Variants in SLC8A1 observed in about 807,000 individuals in gnomAD.
The protein encoded by SLC8A1 is solute carrier family 8 member A1, also known as sodium/calcium exchanger 1.
SLC8A1 carries 18 observed loss-of-function variants against 68.3 expected under a neutral mutation model. That is an observed-to-expected ratio of 0.26 (90% CI 0.18 to 0.39). The LOEUF (loss-of-function observed/expected upper bound fraction) is 0.39. Ranked by LOEUF, SLC8A1 falls within the 10% of genes least tolerant of loss-of-function variation. The probability of loss-of-function intolerance (pLI) is 1.00; values close to 1 mark genes in which losing one functional copy is unlikely to be tolerated. For missense variants in SLC8A1, 985 were observed against 1,156.7 expected, an observed-to-expected ratio of 0.85 and a Z score of 2.15; for synonymous variants, 475 against 415.5, an observed-to-expected ratio of 1.14 and a Z score of -1.74.
intron 2 of SLC8A1, among the ~76,000 whole-genome samples, chr2:40,188,254 ACTC>A (rs1393944955): frequency 6.6e-6 from 1 of 152,260 alleles, no homozygotes; most frequent in South Asian, 2.1e-4. Flanking sequence ...TCTTAACTGT[ACTC>A]CTTAAATGCA....
intron 1 of SLC8A1, among the ~76,000 whole-genome samples, chr2:40,497,997 A>G (rs953405221): frequency 6.6e-6 from 1 of 152,030 alleles, no homozygotes; most frequent in Admixed American, 6.6e-5. Context: ...TGGATATGAG[A>G]GACATTCAGG....
Position 40,215,599 on chromosome 2 carries a change from T to TGCAGTCC in SLC8A1, c.1809-37751_1809-37745dup, listed in dbSNP as rs1361734133. 6.1e-5 allele frequency among the ~76,000 whole-genome samples: 8 copies of TGCAGTCC among 131,226 alleles called. No homozygotes were observed. The Admixed American group carries it at 7.6e-4, about 12-fold the overall frequency. The allele number at this position is 131,226 out of a possible 152,430, so 86.1% of individuals were successfully genotyped here. ...TTGCAGTGAGCCGAGATTGTGCCAC[T>TGCAGTCC]GCAGTCCGCAGTCCGGCCTGGGCGA... On this transcript the variant is annotated intron_variant, in intron 2 of 7. Transcript: ENST00000406785.
At chr2:40,350,587 CAAAAAAAAAAAAAAAA>C (rs572258156) in intron 2 of SLC8A1, among the ~76,000 whole-genome samples, 25 of 76,222 alleles carry the variant, frequency 3.3e-4, no homozygotes, top group Admixed American at 1.9e-3. Context: ...CCCAGACAAG[CAAAAAAAAAAAAAAAA>C]AAAAAAAAAA....
At position 40,216,783 on chromosome 2, in the gene SLC8A1, T is replaced by G. The variant is rs186639421; in HGVS notation, c.1809-38928A>C. ...GTTGGGCTTCTTTTCATATTTTTGT[T>G]GGCTGCATGAATGTCTTCTTTAGGA... is the stretch of plus-strand genomic sequence containing the variant. On this transcript the variant is annotated intron_variant, in intron 2 of 7. Transcript: ENST00000406785. Among the ~76,000 whole-genome samples, 245 of 152,356 alleles carry G rather than the reference T, an allele frequency of 1.6e-3. 3 individuals carry two copies. The highest frequency in any genetic ancestry group is 7.9e-4 in the Non-Finnish European group (54 of 68,036).
chr2:40,389,895 C>G (rs1284930404), intron 2 of SLC8A1, among the ~76,000 whole-genome samples: 1 of 150,754 alleles, frequency 6.6e-6, no homozygotes, highest in Non-Finnish European at 1.5e-5. Flanking sequence ...CCCCAAATCA[C>G]CAAAGCTAAT....
chr2:40,307,663 T>C (rs2072913724), intron 2 of SLC8A1, among the ~76,000 whole-genome samples: 1 of 152,212 alleles, frequency 6.6e-6, no homozygotes, highest in South Asian at 2.1e-4. Context: ...ATGAGACTTC[T>C]TTACATAAGT....
chr2:40,138,885 T>A (rs1367399000), intron 7 of SLC8A1, among the ~76,000 whole-genome samples: 1 of 152,202 alleles, frequency 6.6e-6, no homozygotes, highest in African/African-American at 2.4e-5. Context: ...AGGATTACTT[T>A]TTTCCTGTCT....
intron 2 of SLC8A1, among the ~76,000 whole-genome samples, chr2:40,186,672 G>C (rs993507428): frequency 6.6e-6 from 1 of 152,148 alleles, no homozygotes; most frequent in African/African-American, 2.4e-5. Flanking sequence ...TCGAAATCTT[G>C]AGAGAATTAA....
chr2:40,423,701 T>C (rs931534173), intron 2 of SLC8A1, among the ~76,000 whole-genome samples: 1 of 151,980 alleles, frequency 6.6e-6, no homozygotes, highest in Non-Finnish European at 1.5e-5. Flanking sequence ...TAATAGCAAA[T>C]ATGGCAATCT....
At chr2:40,169,730 C>T (rs1277190148) in intron 4 of SLC8A1, among the ~76,000 whole-genome samples, 2 of 152,100 alleles carry the variant, frequency 1.3e-5, no homozygotes, top group East Asian at 3.9e-4. Context: ...TGCTTGAGCC[C>T]AGGAGTTCCA....
At chr2:40,263,185 G>A in intron 2 of SLC8A1, among the ~76,000 whole-genome samples, 1 of 152,184 alleles carries the variant, frequency 6.6e-6, no homozygotes, top group East Asian at 1.9e-4. Context: ...GATTCAAGAG[G>A]AAGTCACTTA....
intron 2 of SLC8A1, among the ~76,000 whole-genome samples, chr2:40,398,929 A>C (rs1687839937): frequency 6.6e-6 from 1 of 152,152 alleles, no homozygotes; most frequent in African/African-American, 2.4e-5. Flanking sequence ...CAAGAAACAG[A>C]CTCTATCTCT....
At chr2:40,415,936 T>A (rs1031673877) in intron 2 of SLC8A1, among the ~76,000 whole-genome samples, 11 of 149,586 alleles carry the variant, frequency 7.4e-5, no homozygotes, top group African/African-American at 1.7e-4. Context: ...GTGGCAGGTG[T>A]CTATAATCCC....
At chr2:40,240,130 G>T (rs931562702) in intron 2 of SLC8A1, among the ~76,000 whole-genome samples, 4 of 152,198 alleles carry the variant, frequency 2.6e-5, no homozygotes, top group African/African-American at 7.2e-5. Context: ...TGTGCACACA[G>T]TTATGGCATA....
chr2:40,299,398 C>T (rs1382490822), intron 2 of SLC8A1, among the ~76,000 whole-genome samples: 1 of 152,176 alleles, frequency 6.6e-6, no homozygotes, highest in Non-Finnish European at 1.5e-5. Context: ...CTCCTCCTTT[C>T]TTGACTTTTC....
At chr2:40,185,083 A>C (rs2050459798) in intron 2 of SLC8A1, among the ~76,000 whole-genome samples, 1 of 152,156 alleles carries the variant, frequency 6.6e-6, no homozygotes, top group Non-Finnish European at 1.5e-5. Context: ...CACTAGGAAG[A>C]CTACGATAAA....
At chr2:40,395,707 A>G (rs992957721) in intron 2 of SLC8A1, among the ~76,000 whole-genome samples, 4 of 152,184 alleles carry the variant, frequency 2.6e-5, no homozygotes, top group Non-Finnish European at 4.4e-5. Flanking sequence ...ATGTCTGCTT[A>G]TTATCAGAGT....
intron 2 of SLC8A1, among the ~76,000 whole-genome samples, chr2:40,224,453 C>T (rs898957182): frequency 1.2e-4 from 18 of 152,176 alleles, no homozygotes; most frequent in South Asian, 1.0e-3. Flanking sequence ...ATAACACAGA[C>T]GTCATAGCTG....
chr2:40,462,581 G>T (rs1703413733), intron 1 of SLC8A1, among the ~76,000 whole-genome samples: 1 of 151,664 alleles, frequency 6.6e-6, no homozygotes, highest in Non-Finnish European at 1.5e-5. Context: ...AGCCTGGGTG[G>T]GAGGATCGCT....
Sources: allele counts gnomAD v4.1 joint callset (sites outside exome capture counted in the v4.1 genomes callset), GRCh38; gene constraint gnomAD v4.1.1; transcripts MANE v1.5; gene names NCBI Gene and HGNC (gene_info 2026-07-23, HGNC 2026-07-21).